The following ZNF165 variants were observed in gnomAD, a reference collection of about 807,000 sequenced individuals.
ZNF165 encodes the protein zinc finger protein 165, also known as cancer/testis antigen 53.
A neutral mutation model predicts 19.6 loss-of-function variants in ZNF165; 14 were observed. That is an observed-to-expected ratio of 0.71 (90% confidence interval 0.47 to 1.12). The LOEUF (loss-of-function observed/expected upper bound fraction) is 1.12, where lower values mean the gene tolerates loss of function less well. Among genes scored for constraint, ZNF165 ranks in the 50% most tolerant of loss-of-function variants. The pLI is 0.00. For synonymous variants in ZNF165, 165 were observed against 195.0 expected, an observed-to-expected ratio of 0.85 and a Z score of 1.28; for missense variants, 504 against 566.3, an observed-to-expected ratio of 0.89 and a Z score of 1.12.
At chr6:28,083,013 A>T (rs1283358397) in intron 1 of ZNF165, among the ~76,000 whole-genome samples, 2 of 152,352 alleles carry the variant, frequency 1.3e-5, no homozygotes, top group East Asian at 3.9e-4. Context: ...ACAGCCAAAC[A>T]ACTAAAAATA....
intron 1 of ZNF165, among the ~76,000 whole-genome samples, chr6:28,084,773 C>G (rs962556723): frequency 1.3e-5 from 2 of 152,190 alleles, no homozygotes; most frequent in Non-Finnish European, 2.9e-5. Context: ...TTTAGCAGGT[C>G]ATTCTGCTCA....
intron 1 of ZNF165, 131 bp from the exon 2 acceptor site, chr6:28,085,350 G>C (rs1355370210): frequency 1.0e-6 from 1 of 953,302 alleles, no homozygotes. Flanking sequence ...GTGTAATGGA[G>C]AATGACGATT....
In ZNF165 at chr6:28,088,756, G is replaced by T. The variant is rs372867095; in HGVS notation, c.744G>T (p.Ser248=). The part of the protein sequence containing the change: ...EKESGESQRL[S]SAQDEGFGKI... ...AATCAGGGGAGTCTCAGAGACTCTC[G>T]TCTGCCCAGGATGAAGGTTTTGGTA... is the stretch of plus-strand genomic sequence containing the variant. Residue 248 remains serine, a synonymous_variant, in exon 4 of 4, where the codon TCG becomes TCT. Transcript: ENST00000683778. 1 of 1,614,104 alleles carries T rather than the reference G, an allele frequency of 6.2e-7. No individual in the cohort carries two copies. Among genetic ancestry groups the T allele is most frequent in the Non-Finnish European group, 8.5e-7 (1 of 1,180,004 alleles).
intron 3 of ZNF165, among the ~76,000 whole-genome samples, chr6:28,086,543 AC>A (rs1764280763): frequency 6.6e-6 from 1 of 152,106 alleles, no homozygotes; most frequent in Non-Finnish European, 1.5e-5. Flanking sequence ...ACATGGTGAA[AC>A]CCCATCTCTA....
At position 28,089,426 on chromosome 6, in the gene ZNF165, A is replaced by T; in HGVS notation, c.1414A>T (p.Ser472Cys). Residue 472 changes from serine (S) to cysteine (C), a missense_variant, in exon 4 of 4, where the codon AGT becomes TGT. Coordinates refer to ENST00000683778, the MANE Select transcript of ZNF165 (RefSeq NM_001376491.1). Reference protein sequence around the residue: ...GRAFSQSSNLSQHQRIHMREN... With the variant: ...GRAFSQSSNLCQHQRIHMREN... ...AGCCTTCAGTCAGAGCTCAAACCTTAGTCAACACCAGAGAATTCACATGAG... is the reference window on the plus strand; with the variant it reads ...AGCCTTCAGTCAGAGCTCAAACCTTTGTCAACACCAGAGAATTCACATGAG... The T allele has an allele frequency of 6.2e-7, 1 of 1,611,658 alleles. No individual in the cohort carries two copies. The highest frequency in any genetic ancestry group is 8.5e-7 in the Non-Finnish European group (1 of 1,178,682).
Position 28,089,547 on chromosome 6 carries a change from A to G in ZNF165, c.*77A>G, listed in dbSNP as rs946887102. 2 of 1,382,818 alleles carry G rather than the reference A, an allele frequency of 1.4e-6. No individual in the cohort carries two copies. Among genetic ancestry groups the G allele is most frequent in the African/African-American group, 2.9e-5 (2 of 68,526 alleles). 85.7% of individuals were successfully genotyped at this position (1,382,818 alleles called of 1,614,324 possible). On this transcript the variant is annotated 3_prime_UTR_variant, in exon 4 of 4. Coordinates refer to ENST00000683778, the MANE Select transcript of ZNF165 (RefSeq NM_001376491.1). ...ATTAAATAAAAAATAAATATTGGGC[A>G]AGATGGAAGACTGAAAGACCAGTTT...
Position 28,089,503 on chromosome 6 carries a change from A to G in ZNF165, c.*33A>G. 1 of 1,512,056 alleles carries G rather than the reference A, an allele frequency of 6.6e-7. No homozygotes were observed. Among genetic ancestry groups the G allele is most frequent in the South Asian group, 1.4e-5 (1 of 73,768 alleles). 93.7% of individuals were successfully genotyped at this position (1,512,056 alleles called of 1,614,324 possible). A position where few individuals can be genotyped will look rare whatever the true frequency, so the allele number is the denominator to read the frequency against. On this transcript the variant is annotated 3_prime_UTR_variant, in exon 4 of 4. Coordinates refer to ENST00000683778, the MANE Select transcript of ZNF165 (RefSeq NM_001376491.1). ...AAATTTGTAAGTAAATGCTGAGGAA[A>G]TGGCACAATATGAAAAATATTAAAT...
At chr6:28,087,204 C>T (rs1764295088) in intron 3 of ZNF165, among the ~76,000 whole-genome samples, 1 of 151,988 alleles carries the variant, frequency 6.6e-6, no homozygotes, top group Admixed American at 6.6e-5. Context: ...TATAGTAAAC[C>T]CAAGAATAAC....
At chr6:28,085,360 T>G in intron 1 of ZNF165, 121 bp from the exon 2 acceptor site, 1 of 1,058,814 alleles carries the variant, frequency 9.4e-7, no homozygotes, top group Non-Finnish European at 1.3e-6. Flanking sequence ...GAATGACGAT[T>G]TTTATTATGT....
chr6:28,086,298 C>A lies in ZNF165; in HGVS notation c.538C>A (p.Leu180Ile). Residue 180 changes from leucine to isoleucine, a missense_variant, in exon 3 of 4, where the codon CTA becomes ATA. Leu to Ile is a conservative substitution (Grantham distance 5). Coordinates refer to ENST00000683778, the MANE Select transcript of ZNF165 (RefSeq NM_001376491.1). ...AHFDSSEPQL[L>I]WDCDNESENS... ...TTTTGATTCATCAGAACCCCAGCTC[C>A]TATGGGACTGTGGTGAGGGGCAGAA... 1 of 1,613,822 alleles carries A rather than the reference C, an allele frequency of 6.2e-7. No individual in the cohort carries two copies. The highest frequency in any genetic ancestry group is 8.5e-7 in the Non-Finnish European group (1 of 1,179,892).
intron 1 of ZNF165, among the ~76,000 whole-genome samples, chr6:28,081,924 G>A (rs768552381): frequency 2.0e-5 from 3 of 152,170 alleles, no homozygotes; most frequent in Non-Finnish European, 2.9e-5. Flanking sequence ...TGTCAGCTGA[G>A]ATAACATGTC....
In ZNF165 at chr6:28,089,482, T is replaced by C. The variant is rs190575509; in HGVS notation, c.*12T>C. 3.4e-4 allele frequency: 521 copies of C among 1,546,086 alleles called. 1 individual carries two copies. In the Middle Eastern group the frequency reaches 3.8e-3, roughly 11 times the overall value. The stretch of plus-strand genomic sequence containing the variant: ...ACCTATTAATGTAAGGAACTTAAAT[T>C]TGTAAGTAAATGCTGAGGAAATGGC... On this transcript the variant is annotated 3_prime_UTR_variant, in exon 4 of 4. Transcript: ENST00000683778.
Position 28,089,313 on chromosome 6 carries a change from G to A in ZNF165, c.1301G>A (p.Gly434Glu). The A allele has an allele frequency of 6.2e-7, 1 of 1,614,126 alleles. No individual in the cohort carries two copies. Among genetic ancestry groups the A allele is most frequent in the Non-Finnish European group, 8.5e-7 (1 of 1,180,026 alleles). Residue 434 changes from glycine (G) to glutamate (E), a missense_variant, in exon 4 of 4, where the codon GGG becomes GAG. Gly to Glu is a moderately conservative substitution (Grantham distance 98). Transcript: ENST00000683778. ...AAACCCTACGAGTGTAGTGAATGTGGGAAAACCTTCCGAGTGAGCTCACAT... is the reference window on the plus strand; with the variant it reads ...AAACCCTACGAGTGTAGTGAATGTGAGAAAACCTTCCGAGTGAGCTCACAT... ...REKPYECSEC[G>E]KTFRVSSHLI...
chr6:28,088,582 T>G lies in ZNF165; in HGVS notation c.570T>G (p.Ser190Arg). 6.2e-7 allele frequency: 1 copy of G among 1,606,920 alleles called. No individual in the cohort carries two copies. Among genetic ancestry groups the G allele is most frequent in the South Asian group, 1.1e-5 (1 of 89,218 alleles). Residue 190 changes from serine (S) to arginine (R), a missense_variant, in exon 4 of 4, where the codon AGT becomes AGG. Ser to Arg is a moderately radical substitution (Grantham distance 110). Transcript: ENST00000683778. ...TTTTAGATAATGAGAGTGAAAACAG[T>G]AGATCCATGCCAAAGCTGGAAATTT... ...LWDCDNESEN[S>R]RSMPKLEIFE... is the part of the protein sequence containing the mutation.
At position 28,088,882 on chromosome 6, in the gene ZNF165, A is replaced by G. The variant is rs1764359049; in HGVS notation, c.870A>G (p.Lys290=). The change falls in exon 4 of 4, where the codon AAA becomes AAG. Residue 290 remains lysine (K), a synonymous_variant. Transcript: ENST00000683778. ...NLNSNEFTHQ[K]SCKHGTCDQS... ...ACTCAAATGAATTCACACACCAGAAATCTTGTAAACATGGTACCTGTGACC... is the reference window on the plus strand; with the variant it reads ...ACTCAAATGAATTCACACACCAGAAGTCTTGTAAACATGGTACCTGTGACC... The G allele has an allele frequency of 1.9e-6, 3 of 1,614,220 alleles. No homozygotes were observed. Among genetic ancestry groups the G allele is most frequent in the Non-Finnish European group, 2.5e-6 (3 of 1,180,038 alleles).
At chr6:28,081,369 C>T (rs1011581093) in intron 1 of ZNF165, 1 of 152,208 alleles carries the variant, frequency 6.6e-6, no homozygotes, top group Non-Finnish European at 1.5e-5. Flanking sequence ...CGAGGACCAT[C>T]CCCAATCCCC....
At chr6:28,086,663 T>G (rs951773877) in intron 3 of ZNF165, among the ~76,000 whole-genome samples, 4 of 151,938 alleles carry the variant, frequency 2.6e-5, no homozygotes, top group African/African-American at 4.8e-5. Flanking sequence ...GAGCTGAGAC[T>G]GCGCCACTGC....
chr6:28,084,443 A>G (rs1764223514), intron 1 of ZNF165, among the ~76,000 whole-genome samples: 1 of 152,178 alleles, frequency 6.6e-6, no homozygotes, highest in African/African-American at 2.4e-5. Flanking sequence ...GCAGATCACA[A>G]GGTCAGGAGT....
Position 28,080,823 on chromosome 6 carries a change from G to C in ZNF165, c.-148G>C, listed in dbSNP as rs1764134580. On this transcript the variant is annotated 5_prime_UTR_variant, in exon 1 of 4. Transcript: ENST00000683778. ...TTGGCGAAAAGTCTGCGCCCGAAGAGACCCAGGAAGGATTCTTGGAATTGT... is the reference window on the plus strand; with the variant it reads ...TTGGCGAAAAGTCTGCGCCCGAAGACACCCAGGAAGGATTCTTGGAATTGT... The C allele has an allele frequency of 6.6e-6, 1 of 152,250 alleles. No homozygotes were observed. The highest frequency in any genetic ancestry group is 2.4e-5 in the African/African-American group (1 of 41,456). The allele number at this position is 152,250 out of a possible 1,614,324, so 9.4% of individuals were successfully genotyped here.
Sources: allele counts gnomAD v4.1 joint callset (sites outside exome capture counted in the v4.1 genomes callset), GRCh38; gene constraint gnomAD v4.1.1; transcripts MANE v1.5; gene names NCBI Gene and HGNC (gene_info 2026-07-23, HGNC 2026-07-21).